Variants in THSD4 observed in about 807,000 individuals in gnomAD.
THSD4 encodes thrombospondin type 1 domain containing 4.
THSD4 carries 69 observed loss-of-function variants against 119.0 expected under a neutral mutation model. The observed-to-expected ratio is 0.58, with a 90% CI of 0.48 to 0.71. The LOEUF is 0.71. THSD4 is among the 30% of genes least tolerant of loss of function. The probability of loss-of-function intolerance (pLI) is 0.00; values close to 1 mark genes in which losing one functional copy is unlikely to be tolerated. For synonymous variants in THSD4, 524 were observed against 540.4 expected (o/e 0.97, Z 0.42); for missense variants, 1,393 against 1,391.1 (o/e 1.00, Z -0.02).
chr15:71,373,369 T>G (rs371488626), intron 6 of THSD4, among the ~76,000 whole-genome samples: 4 of 152,174 alleles, frequency 2.6e-5, no homozygotes, highest in African/African-American at 7.2e-5. Flanking sequence ...AAAAGACTGT[T>G]ATTTCCTTTC....
At position 71,641,987 on chromosome 15, in the gene THSD4, T is replaced by G. The variant is rs151046077; in HGVS notation, c.1153-18543T>G. 3.8e-3 allele frequency among the ~76,000 whole-genome samples: 573 copies of G among 152,214 alleles called. 5 individuals are homozygous for G. Among genetic ancestry groups the G allele is most frequent in the African/African-American group, 0.013 (544 of 41,538 alleles). On this transcript the variant is annotated intron_variant, in intron 7 of 17. Transcript: ENST00000261862. ...ATACATAAAACCAAATGGAATATATTAGAAAGGAAGTGTCACAGACCAGTG... is the reference window on the plus strand; with the variant it reads ...ATACATAAAACCAAATGGAATATATGAGAAAGGAAGTGTCACAGACCAGTG...
At chr15:71,388,244 TC>T (rs1440869089) in intron 6 of THSD4, among the ~76,000 whole-genome samples, 1 of 152,222 alleles carries the variant, frequency 6.6e-6, no homozygotes, top group Non-Finnish European at 1.5e-5. Context: ...CTTGGTTTGT[TC>T]CCTTTAGCCT....
intron 1 of THSD4, among the ~76,000 whole-genome samples, chr15:71,116,545 G>T (rs1023512784): frequency 2.0e-5 from 3 of 152,160 alleles, no homozygotes; most frequent in Admixed American, 1.3e-4. Flanking sequence ...TACTAAAAGT[G>T]CATGCTTGCT....
chr15:71,771,646 C>T (rs907613399), intron 17 of THSD4, among the ~76,000 whole-genome samples: 3 of 152,098 alleles, frequency 2.0e-5, no homozygotes, highest in Admixed American at 1.3e-4. Context: ...GTCTGACCAT[C>T]TCTCAGAGGG....
Position 71,623,100 on chromosome 15 carries a change from A to G in THSD4, c.1153-37430A>G, listed in dbSNP as rs367615654. Among the ~76,000 whole-genome samples the G allele has an allele frequency of 3.1e-4, 47 of 152,308 alleles. 1 individual carries two copies. The South Asian group carries it at 9.6e-3, about 31-fold the overall frequency. On this transcript the variant is annotated intron_variant, in intron 7 of 17. Transcript: ENST00000261862. ...CAGAGGAAAATGTAATAAAAGCCAT[A>G]TTTTAAGAAAATTAATTTGGTGCCA...
intron 5 of THSD4, among the ~76,000 whole-genome samples, chr15:71,244,625 T>C (rs2140276402): frequency 6.6e-6 from 1 of 152,330 alleles, no homozygotes; most frequent in Non-Finnish European, 1.5e-5. Context: ...ATTGCTTGTC[T>C]TGTAACAGAG....
At chr15:71,622,670 T>C (rs1376599507) in intron 7 of THSD4, among the ~76,000 whole-genome samples, 2 of 152,226 alleles carry the variant, frequency 1.3e-5, no homozygotes, top group African/African-American at 4.8e-5. Flanking sequence ...GAAAAGCAGC[T>C]AAGGACCAAT....
At chr15:71,357,576 T>C (rs2045835701) in intron 6 of THSD4, among the ~76,000 whole-genome samples, 1 of 152,168 alleles carries the variant, frequency 6.6e-6, no homozygotes, top group African/African-American at 2.4e-5. Flanking sequence ...CCCCACGCCC[T>C]TGCTCCCTTT....
chr15:71,415,542 C>T (rs1430158301), intron 7 of THSD4, among the ~76,000 whole-genome samples: 2 of 152,122 alleles, frequency 1.3e-5, no homozygotes, highest in Non-Finnish European at 1.5e-5. Context: ...TACAAATGAT[C>T]CAGTTATACT....
At chr15:71,564,632 T>TA (rs2049188170) in intron 7 of THSD4, among the ~76,000 whole-genome samples, 1 of 137,650 alleles carries the variant, frequency 7.3e-6, no homozygotes, top group Non-Finnish European at 1.5e-5. Flanking sequence ...ATACAATATA[T>TA]ATTGTATATT....
Position 71,660,733 on chromosome 15 carries a change from G to C in THSD4, c.1356G>C (p.Leu452Phe). The C allele has an allele frequency of 6.2e-7, 1 of 1,614,044 alleles. No individual in the cohort carries two copies. Among genetic ancestry groups the C allele is most frequent in the Non-Finnish European group, 8.5e-7 (1 of 1,179,984 alleles). The change falls in exon 8 of 18, where the codon TTG becomes TTC. Residue 452 changes from leucine (L) to phenylalanine (F), a missense_variant and splice_region_variant. Coordinates refer to ENST00000261862, the MANE Select transcript of THSD4 (RefSeq NM_024817.3). ...AGATGTACAAGAGCAACAACTATTTGGGTAAGCTTGGTCTTTTTCCAGAGA... is the reference window on the plus strand; with the variant it reads ...AGATGTACAAGAGCAACAACTATTTCGGTAAGCTTGGTCTTTTTCCAGAGA... ...ITEMYKSNNY[L>F]ALRSRSGRSI...
At chr15:71,319,123 C>G (rs1010963158) in intron 6 of THSD4, among the ~76,000 whole-genome samples, 18 of 152,098 alleles carry the variant, frequency 1.2e-4, no homozygotes, top group African/African-American at 4.1e-4. Context: ...CATTTGATGA[C>G]ATTTGTTTCA....
At chr15:71,540,131 T>C (rs915760120) in intron 7 of THSD4, among the ~76,000 whole-genome samples, 3 of 136,700 alleles carry the variant, frequency 2.2e-5, no homozygotes, top group Middle Eastern at 3.8e-3. Flanking sequence ...TTTCATTTTA[T>C]TTACTTTTTT....
intron 9 of THSD4, 45 bp from the exon 10 acceptor site, chr15:71,731,076 G>A (rs1216759284): frequency 1.3e-6 from 2 of 1,586,326 alleles, no homozygotes; most frequent in South Asian, 1.1e-5. Flanking sequence ...CAGAAGGGGT[G>A]TGCATACGTG....
chr15:71,698,074 C>T (rs974854736), intron 8 of THSD4, among the ~76,000 whole-genome samples: 2 of 152,140 alleles, frequency 1.3e-5, no homozygotes, highest in African/African-American at 2.4e-5. Context: ...CAGAGTCCCT[C>T]GGGACCGCCC....
chr15:71,362,221 G>A (rs1420272510), intron 6 of THSD4, among the ~76,000 whole-genome samples: 2 of 152,212 alleles, frequency 1.3e-5, no homozygotes, highest in Admixed American at 6.5e-5. Context: ...GGAGGTTGCA[G>A]TGAGCCAAGA....
chr15:71,528,029 A>G (rs558193078), intron 7 of THSD4, among the ~76,000 whole-genome samples: 1 of 152,036 alleles, frequency 6.6e-6, no homozygotes, highest in Non-Finnish European at 1.5e-5. Context: ...TAAACTCTTC[A>G]TGTCTTGCCT....
intron 1 of THSD4, among the ~76,000 whole-genome samples, chr15:71,133,539 G>A (rs975718764): frequency 2.3e-4 from 35 of 152,282 alleles, no homozygotes; most frequent in Admixed American, 2.0e-3. Context: ...ACGCTTTGAC[G>A]ATCCCTAGTT....
intron 8 of THSD4, among the ~76,000 whole-genome samples, chr15:71,700,119 A>T (rs1193932481): frequency 6.6e-6 from 1 of 152,164 alleles, no homozygotes; most frequent in Non-Finnish European, 1.5e-5. Flanking sequence ...AAAATAAATG[A>T]GGTATAAAGA....
Sources: gnomAD v4.1 joint callset for allele counts (sites outside exome capture counted in the v4.1 genomes callset) on GRCh38, gnomAD v4.1.1 for gene constraint, MANE v1.5 for transcripts, NCBI Gene and HGNC (gene_info 2026-07-23, HGNC 2026-07-21) for gene names.